VEPH1: variants seen among roughly 807,000 people sequenced by gnomAD.
VEPH1 encodes the protein ventricular zone expressed PH domain containing 1.
Under a neutral mutation model 85.2 loss-of-function variants are expected in VEPH1, and 80 were observed. That is an observed-to-expected ratio of 0.94 (90% CI 0.78 to 1.13). The LOEUF (loss-of-function observed/expected upper bound fraction) is 1.13, where lower values mean the gene tolerates loss of function less well. VEPH1 is among the 50% of genes most tolerant of loss of function. The pLI is 0.00. For synonymous variants in VEPH1, 297 were observed against 348.0 expected, an observed-to-expected ratio of 0.85 and a Z score of 1.63; for missense variants, 955 against 980.5, an observed-to-expected ratio of 0.97 and a Z score of 0.35.
At position 157,392,819 on chromosome 3, in the gene VEPH1, C is replaced by T. The variant is rs114927718; in HGVS notation, c.907-11443G>A. 3.1e-3 allele frequency among the ~76,000 whole-genome samples: 472 copies of T among 152,284 alleles called. 3 individuals carry two copies. The highest frequency in any genetic ancestry group is 0.011 in the African/African-American group (455 of 41,560). Reference sequence around the variant, plus strand: ...AGCTTCATCTGTAGATTGGAGCTAACAGTTCGGCGGCAGATACTTTTGATT... The same window carrying T: ...AGCTTCATCTGTAGATTGGAGCTAATAGTTCGGCGGCAGATACTTTTGATT... On this transcript the variant is annotated intron_variant, in intron 6 of 13. Coordinates refer to ENST00000362010, the MANE Select transcript of VEPH1 (RefSeq NM_001167912.2).
intron 11 of VEPH1, among the ~76,000 whole-genome samples, chr3:157,312,624 G>T (rs1246293711): frequency 1.3e-5 from 2 of 152,140 alleles, no homozygotes. Context: ...GCCAAACAAT[G>T]CACCTGGAGT....
At chr3:157,285,124 T>G (rs1257440020) in intron 12 of VEPH1, 1 of 152,222 alleles carries the variant, frequency 6.6e-6, no homozygotes, top group African/African-American at 2.4e-5. Context: ...ATAAAGCTTC[T>G]TTTATGCTCT....
At chr3:157,287,929 C>T (rs1432034836) in intron 11 of VEPH1, among the ~76,000 whole-genome samples, 1 of 152,130 alleles carries the variant, frequency 6.6e-6, no homozygotes. Context: ...AACTTTTTTC[C>T]TCCAAGTGGT....
intron 11 of VEPH1, among the ~76,000 whole-genome samples, chr3:157,290,081 A>G (rs1019479136): frequency 5.9e-5 from 8 of 135,654 alleles, no homozygotes; most frequent in Admixed American, 1.5e-4. Flanking sequence ...CACACACACA[A>G]CCTGTCTTGC....
At chr3:157,294,779 G>C (rs1290030089) in intron 11 of VEPH1, among the ~76,000 whole-genome samples, 2 of 152,088 alleles carry the variant, frequency 1.3e-5, no homozygotes, top group East Asian at 3.8e-4. Context: ...CTGAAACTTG[G>C]GACCTGGGCT....
intron 6 of VEPH1, among the ~76,000 whole-genome samples, chr3:157,411,848 C>T (rs1357067677): frequency 6.6e-6 from 1 of 152,160 alleles, no homozygotes; most frequent in Non-Finnish European, 1.5e-5. Context: ...ACAAGTGTCA[C>T]CAAATGAACT....
In VEPH1 at chr3:157,364,377, A is replaced by G; in HGVS notation, c.1263T>C (p.Asn421=). The stretch of plus-strand genomic sequence containing the variant: ...TATATCTTCTGATAGAGCCAGGGGT[A>G]TTGCTCCCTGCATTTATCTTGTCTT... ...AFEDKINAGS[N]TPGSIRRYSL... is the part of the protein sequence containing the mutation. The change falls in exon 8 of 14, where the codon AAT becomes AAC. Residue 421 remains asparagine, a synonymous_variant. Coordinates refer to ENST00000362010, the MANE Select transcript of VEPH1 (RefSeq NM_001167912.2). 1.9e-6 allele frequency: 3 copies of G among 1,613,978 alleles called. No individual in the cohort carries two copies. Among genetic ancestry groups the G allele is most frequent in the Non-Finnish European group, 1.7e-6 (2 of 1,179,918 alleles).
intron 9 of VEPH1, among the ~76,000 whole-genome samples, chr3:157,344,778 C>T (rs1278989461): frequency 6.6e-6 from 1 of 152,196 alleles, no homozygotes; most frequent in African/African-American, 2.4e-5. Flanking sequence ...TCAAACAATA[C>T]TACACGGCTA....
At chr3:157,470,183 T>C (rs1187445963) in intron 3 of VEPH1, 131 bp downstream of exon 3, 1 of 795,868 alleles carries the variant, frequency 1.3e-6, no homozygotes, top group African/African-American at 1.7e-5. Context: ...CTCCCAGCTA[T>C]TGATGGCTTG....
chr3:157,400,163 C>T (rs1354980973), intron 6 of VEPH1, among the ~76,000 whole-genome samples: 1 of 151,978 alleles, frequency 6.6e-6, no homozygotes, highest in African/African-American at 2.4e-5. Flanking sequence ...ATAAATCACG[C>T]TTAGTAAAAC....
At chr3:157,367,834 CAT>C (rs1352404989) in intron 7 of VEPH1, among the ~76,000 whole-genome samples, 2 of 152,076 alleles carry the variant, frequency 1.3e-5, no homozygotes, top group Non-Finnish European at 2.9e-5. Flanking sequence ...AACTTCAAAA[CAT>C]ATGAATTGTT....
At chr3:157,347,608 G>A (rs1174918014) in intron 9 of VEPH1, among the ~76,000 whole-genome samples, 1 of 152,232 alleles carries the variant, frequency 6.6e-6, no homozygotes, top group Non-Finnish European at 1.5e-5. Flanking sequence ...GAGTAGAGAT[G>A]CACATGTGGT....
intron 7 of VEPH1, among the ~76,000 whole-genome samples, chr3:157,369,911 CA>C (rs1394268959): frequency 1.3e-5 from 2 of 152,102 alleles, no homozygotes; most frequent in Non-Finnish European, 2.9e-5. Flanking sequence ...TGTGTTTACT[CA>C]TAGAGTGGTG....
chr3:157,451,052 G>A (rs377158691), intron 4 of VEPH1, among the ~76,000 whole-genome samples: 6 of 152,080 alleles, frequency 3.9e-5, no homozygotes, highest in African/African-American at 7.2e-5. Flanking sequence ...GTCCTTGTCT[G>A]GTATTGATAT....
chr3:157,467,818 T>C (rs1343006966), intron 3 of VEPH1, among the ~76,000 whole-genome samples: 1 of 152,210 alleles, frequency 6.6e-6, no homozygotes, highest in Non-Finnish European at 1.5e-5. Flanking sequence ...TCCTTTTCTC[T>C]TTCGCTTCCC....
At chr3:157,300,291 C>G (rs1435628508) in intron 11 of VEPH1, among the ~76,000 whole-genome samples, 1 of 152,124 alleles carries the variant, frequency 6.6e-6, no homozygotes, top group Non-Finnish European at 1.5e-5. Context: ...CCTCTGTTCC[C>G]CCAGGAATAG....
chr3:157,437,878 G>T, intron 4 of VEPH1: 1 of 1,514,872 alleles, frequency 6.6e-7, no homozygotes, highest in Non-Finnish European at 8.8e-7. Context: ...CCTGCACGCG[G>T]TGCAGGGCTG....
Position 157,418,202 on chromosome 3 carries a change from A to G in VEPH1, c.697-4112T>C, listed in dbSNP as rs138797656. On this transcript the variant is annotated intron_variant, in intron 5 of 13. Coordinates refer to ENST00000362010, the MANE Select transcript of VEPH1 (RefSeq NM_001167912.2). The stretch of plus-strand genomic sequence containing the variant: ...GGATGGGAACTAAGGGTGCAAGTAA[A>G]GGAGGGCCCAAACAGAATGCTCTAA... Among the ~76,000 whole-genome samples, 989 of 152,252 alleles carry G rather than the reference A, an allele frequency of 6.5e-3. 13 individuals carry two copies. The highest frequency in any genetic ancestry group is 0.022 in the African/African-American group (934 of 41,552).
At chr3:157,295,966 A>G (rs1718083029) in intron 11 of VEPH1, among the ~76,000 whole-genome samples, 1 of 152,160 alleles carries the variant, frequency 6.6e-6, no homozygotes, top group Non-Finnish European at 1.5e-5. Context: ...AAAAAAAATA[A>G]ATAAATAAAT....
Sources: allele counts gnomAD v4.1 joint callset (sites outside exome capture counted in the v4.1 genomes callset), GRCh38; gene constraint gnomAD v4.1.1; transcripts MANE v1.5; gene names NCBI Gene and HGNC (gene_info 2026-07-23, HGNC 2026-07-21).